Variants in CTNND2 observed in about 807,000 individuals in gnomAD.
The protein encoded by CTNND2 is catenin delta 2, also known as catenin delta-2.
Under a neutral mutation model 144.4 loss-of-function variants are expected in CTNND2, and 22 were observed. The ratio of observed to expected loss-of-function variants is 0.15; its 90% CI spans 0.11 to 0.22. The LOEUF (loss-of-function observed/expected upper bound fraction) is 0.22. Among genes scored for constraint, CTNND2 ranks in the 10% least tolerant of loss-of-function variants. CTNND2 has a pLI of 1.00. For synonymous variants in CTNND2, 751 were observed against 695.6 expected (o/e 1.08, Z -1.25); for missense variants, 1,353 against 1,618.8 (o/e 0.84, Z 2.82).
intron 2 of CTNND2, among the ~76,000 whole-genome samples, chr5:11,708,625 T>A (rs1785850724): frequency 6.6e-6 from 1 of 152,196 alleles, no homozygotes; most frequent in South Asian, 2.1e-4. Flanking sequence ...GCGGGCCTTC[T>A]GCAGTGTGGC....
chr5:11,023,899 T>C (rs1156290354), intron 16 of CTNND2, among the ~76,000 whole-genome samples: 1 of 152,228 alleles, frequency 6.6e-6, no homozygotes, highest in East Asian at 1.9e-4. Flanking sequence ...GCTCCTTTAA[T>C]TGACTTCTGG....
intron 2 of CTNND2, among the ~76,000 whole-genome samples, chr5:11,583,319 G>A (rs577517900): frequency 9.2e-5 from 14 of 152,156 alleles, no homozygotes; most frequent in Non-Finnish European, 1.8e-4. Context: ...GAGGTAAATC[G>A]TAAAACAAAA....
intron 1 of CTNND2, among the ~76,000 whole-genome samples, chr5:11,815,295 G>A (rs1792562924): frequency 6.6e-6 from 1 of 152,142 alleles, no homozygotes; most frequent in South Asian, 2.1e-4. Flanking sequence ...CGTTAATGTG[G>A]AATTTTCACC....
At chr5:11,746,403 C>T (rs866355468) in intron 1 of CTNND2, among the ~76,000 whole-genome samples, 35 of 152,236 alleles carry the variant, frequency 2.3e-4, no homozygotes, top group African/African-American at 7.9e-4. Context: ...GTCCTCTTTA[C>T]TGTTACCTTT....
chr5:11,771,668 G>T (rs1789950663), intron 1 of CTNND2, among the ~76,000 whole-genome samples: 1 of 152,066 alleles, frequency 6.6e-6, no homozygotes, highest in African/African-American at 2.4e-5. Flanking sequence ...AATCATTTAT[G>T]CAGTCACTGT....
intron 1 of CTNND2, among the ~76,000 whole-genome samples, chr5:11,762,635 T>A (rs926539238): frequency 6.6e-6 from 1 of 152,236 alleles, no homozygotes; most frequent in Non-Finnish European, 1.5e-5. Flanking sequence ...CTTTTATGCA[T>A]GACATATTTT....
At chr5:10,991,065 G>A (rs529396119) in intron 19 of CTNND2, among the ~76,000 whole-genome samples, 3 of 152,366 alleles carry the variant, frequency 2.0e-5, no homozygotes, top group African/African-American at 7.2e-5. Context: ...ATGCTTCTGA[G>A]ATGGGTGGAC....
intron 11 of CTNND2, among the ~76,000 whole-genome samples, chr5:11,191,167 C>T (rs185860508): frequency 2.0e-5 from 3 of 152,194 alleles, no homozygotes; most frequent in Non-Finnish European, 2.9e-5. Flanking sequence ...GGCTTGAAGG[C>T]GCAGCAGGTT....
intron 10 of CTNND2, among the ~76,000 whole-genome samples, chr5:11,212,637 G>C (rs539590601): frequency 6.6e-6 from 1 of 152,358 alleles, no homozygotes; most frequent in South Asian, 2.1e-4. Context: ...TAAAGCCAAA[G>C]TACAGAATGT....
intron 3 of CTNND2, among the ~76,000 whole-genome samples, chr5:11,534,327 AG>A: frequency 1.3e-5 from 2 of 152,270 alleles, no homozygotes; most frequent in Middle Eastern, 6.8e-3. Context: ...AGAAATCCTG[AG>A]GGTGCGCCAG....
intron 9 of CTNND2, among the ~76,000 whole-genome samples, chr5:11,282,824 A>G (rs1747298896): frequency 1.3e-5 from 2 of 152,214 alleles, no homozygotes; most frequent in Non-Finnish European, 2.9e-5. Flanking sequence ...TAACGGCAAC[A>G]ATCTTAACTA....
chr5:11,628,981 A>C (rs1781288493), intron 2 of CTNND2, among the ~76,000 whole-genome samples: 1 of 152,164 alleles, frequency 6.6e-6, no homozygotes, highest in Non-Finnish European at 1.5e-5. Flanking sequence ...TGAGATAATA[A>C]ATTCCTCTCT....
At chr5:11,606,096 G>A (rs1203963086) in intron 2 of CTNND2, among the ~76,000 whole-genome samples, 2 of 152,170 alleles carry the variant, frequency 1.3e-5, no homozygotes, top group Admixed American at 1.3e-4. Context: ...AGCCAAAGAT[G>A]GAGGAATGAA....
chr5:11,187,507 A>G (rs903312020), intron 11 of CTNND2, among the ~76,000 whole-genome samples: 3 of 152,244 alleles, frequency 2.0e-5, no homozygotes, highest in African/African-American at 4.8e-5. Flanking sequence ...AAACCCTAGA[A>G]GAAAACCTAG....
chr5:11,297,604 A>C (rs1749155452), intron 9 of CTNND2, among the ~76,000 whole-genome samples: 1 of 152,258 alleles, frequency 6.6e-6, no homozygotes, highest in African/African-American at 2.4e-5. Context: ...TAAGCATTTA[A>C]ACATTTTTAA....
At chr5:11,094,448 A>G (rs1751118835) in intron 15 of CTNND2, among the ~76,000 whole-genome samples, 1 of 144,528 alleles carries the variant, frequency 6.9e-6, no homozygotes, top group Admixed American at 6.9e-5. Flanking sequence ...CCTCCTTATG[A>G]TGGTCTATGT....
In CTNND2 at chr5:11,384,882, G is replaced by C. The variant is rs765750238; in HGVS notation, c.960C>G (p.Val320=). The C allele has an allele frequency of 6.2e-7, 1 of 1,611,670 alleles. No individual in the cohort carries two copies. The highest frequency in any genetic ancestry group is 1.7e-5 in the Admixed American group (1 of 59,850). ...TCGGGGACAGGCCGGCCGAGGACAC[G>C]ACGATGTTGATGGGCGAGCTGGTGC... ...SYSTSSPINI[V]VSSAGLSPIR... The change falls in exon 7 of 22, where the codon GTC becomes GTG. Residue 320 remains valine, a synonymous_variant. Transcript: ENST00000304623. The surrounding 1 kb of genome is among the most constrained non-coding windows in gnomAD (Gnocchi z 5.2).
At chr5:11,435,101 C>T (rs1179566952) in intron 3 of CTNND2, among the ~76,000 whole-genome samples, 1 of 149,342 alleles carries the variant, frequency 6.7e-6, no homozygotes, top group Non-Finnish European at 1.5e-5. Context: ...GATTAGCAAA[C>T]GTTTTCTTTT....
intron 11 of CTNND2, among the ~76,000 whole-genome samples, chr5:11,178,154 A>G (rs1331337960): frequency 6.6e-6 from 1 of 152,192 alleles, no homozygotes; most frequent in African/African-American, 2.4e-5. Flanking sequence ...AGTATTCTTT[A>G]TAGATGTGTT....
Sources: gnomAD v4.1 joint callset for allele counts (sites outside exome capture counted in the v4.1 genomes callset) on GRCh38, gnomAD v4.1.1 for gene constraint, Gnocchi (gnomAD v3.1) non-coding constraint, MANE v1.5 for transcripts, NCBI Gene and HGNC (gene_info 2026-07-23, HGNC 2026-07-21) for gene names.